The following GRPR variants were observed in gnomAD, a reference collection of about 807,000 sequenced individuals.
The protein encoded by GRPR is gastrin releasing peptide receptor.
In GRPR, 4 loss-of-function variants were observed where a neutral mutation model predicts 15.6. That is an observed-to-expected ratio of 0.26 (90% CI 0.13 to 0.59). The LOEUF is 0.59. GRPR is among the 20% of genes least tolerant of loss of function. The pLI is 0.90. For missense variants in GRPR, 270 were observed against 304.1 expected (o/e 0.89, Z 0.83); for synonymous variants, 128 against 126.8 (o/e 1.01, Z -0.06).
intron 1 of GRPR, among the ~76,000 whole-genome samples, chrX:16,144,987 G>A (rs1004583640): frequency 5.4e-5 from 6 of 111,573 alleles, no homozygotes; most frequent in Non-Finnish European, 1.1e-4. Flanking sequence ...AAAGAGAAGA[G>A]GAAAGCATGT....
chrX:16,152,198 A>G, intron 2 of GRPR, 58 bp from the exon 3 acceptor site: 1 of 984,869 alleles, frequency 1.0e-6, no homozygotes, highest in Non-Finnish European at 1.5e-6. Flanking sequence ...GTCTCTCTGC[A>G]TTCTTCTGAC....
At chrX:16,138,548 A>G (rs916401341) in intron 1 of GRPR, among the ~76,000 whole-genome samples, 9 of 112,370 alleles carry the variant, frequency 8.0e-5, no homozygotes, top group African/African-American at 2.9e-4. Flanking sequence ...GTCCTTCAAA[A>G]TAGCTAAATG....
intron 1 of GRPR, among the ~76,000 whole-genome samples, chrX:16,142,280 G>A (rs777384334): frequency 1.8e-5 from 2 of 111,976 alleles, no homozygotes; most frequent in Non-Finnish European, 3.8e-5. Flanking sequence ...TTATTTTACT[G>A]TTAGCTCATC....
intron 1 of GRPR, among the ~76,000 whole-genome samples, chrX:16,132,333 A>G (rs968011275): frequency 2.7e-5 from 3 of 112,234 alleles, no homozygotes; most frequent in African/African-American, 9.7e-5. Flanking sequence ...AAGAAAAACC[A>G]AATAAAATTA....
At chrX:16,134,219 C>T (rs1667690617) in intron 1 of GRPR, among the ~76,000 whole-genome samples, 1 of 111,574 alleles carries the variant, frequency 9.0e-6, no homozygotes, top group Non-Finnish European at 1.9e-5. Context: ...TCAGTCTGGC[C>T]ATTTTCAGTT....
chrX:16,125,030 A>T (rs2147028932), intron 1 of GRPR, among the ~76,000 whole-genome samples: 1 of 112,080 alleles, frequency 8.9e-6, no homozygotes, highest in East Asian at 2.8e-4. Flanking sequence ...TAATATCTTT[A>T]TTGACAATAC....
At chrX:16,149,627 G>T (rs1250735706) in intron 1 of GRPR, among the ~76,000 whole-genome samples, 1 of 75,228 alleles carries the variant, frequency 1.3e-5, no homozygotes, top group Non-Finnish European at 2.4e-5. Flanking sequence ...ATCTGAATAC[G>T]CAAAATGAAG....
At chrX:16,139,136 A>G (rs889636303) in intron 1 of GRPR, among the ~76,000 whole-genome samples, 15 of 111,937 alleles carry the variant, frequency 1.3e-4, no homozygotes, top group African/African-American at 4.9e-4. Flanking sequence ...TACTTTTCAT[A>G]TATCATAGGA....
intron 1 of GRPR, among the ~76,000 whole-genome samples, chrX:16,142,656 G>A (rs1354344382): frequency 9.0e-6 from 1 of 111,481 alleles, no homozygotes; most frequent in Non-Finnish European, 1.9e-5. Context: ...TACATACAAT[G>A]TAGGTGTATG....
chrX:16,133,121 T>C (rs1429435166), intron 1 of GRPR, among the ~76,000 whole-genome samples: 1 of 111,615 alleles, frequency 9.0e-6, no homozygotes, highest in Non-Finnish European at 1.9e-5. Flanking sequence ...CTTCTTGCTT[T>C]CTTTTAAATT....
intron 1 of GRPR, among the ~76,000 whole-genome samples, chrX:16,131,842 G>T (rs774215607): frequency 1.8e-5 from 2 of 112,187 alleles, no homozygotes; most frequent in South Asian, 3.7e-4. Context: ...GTTGTTTTTG[G>T]TTTGGGTGAT....
chrX:16,124,341 ACACT>A lies in GRPR; in HGVS notation c.392_395del (p.Leu131ArgfsTer23), dbSNP rs1368373912. ...TACCTCTGTTGGGGTGTCTGTCTTC[ACACT>A]CACGGCGCTCTCGGCAGACAGGTAA... is the stretch of plus-strand genomic sequence containing the variant. On this transcript the variant is annotated frameshift_variant, in exon 1 of 3. Transcript: ENST00000380289. LOFTEE classifies it high-confidence loss of function. 2 of 1,210,664 alleles carry A rather than the reference ACACT, an allele frequency of 1.7e-6. No homozygotes were observed. The highest frequency in any genetic ancestry group is 2.2e-6 in the Non-Finnish European group (2 of 894,642).
chrX:16,152,413 G>A lies in GRPR; in HGVS notation c.923G>A (p.Arg308His), dbSNP rs749538812. 7.4e-6 allele frequency: 9 copies of A among 1,209,829 alleles called. No individual in the cohort carries two copies. The South Asian group carries it at 8.8e-5, about 12-fold the overall frequency. The part of the protein sequence containing the change: ...MLHFVTSICA[R>H]LLAFTNSCVN... Reference sequence around the variant, plus strand: ...CACTTTGTCACCAGCATCTGTGCCCGCCTCCTGGCCTTCACCAACTCCTGC... The same window carrying A: ...CACTTTGTCACCAGCATCTGTGCCCACCTCCTGGCCTTCACCAACTCCTGC... The change falls in exon 3 of 3, where the codon CGC becomes CAC. Residue 308 changes from arginine (R) to histidine (H), a missense_variant. Arg to His is a conservative substitution (Grantham distance 29). Around this residue, in one of 3 missense-constraint regions of GRPR, gnomAD observed 133 missense variants for 123.4 expected, o/e 1.08. Coordinates refer to ENST00000380289, the MANE Select transcript of GRPR (RefSeq NM_005314.3).
intron 1 of GRPR, among the ~76,000 whole-genome samples, chrX:16,147,565 C>G (rs1922626589): frequency 8.9e-6 from 1 of 112,016 alleles, no homozygotes; most frequent in South Asian, 3.7e-4. Flanking sequence ...GCAGGTTCTT[C>G]TATCACCATA....
intron 1 of GRPR, among the ~76,000 whole-genome samples, chrX:16,147,006 T>G (rs1253219181): frequency 8.9e-6 from 1 of 111,884 alleles, no homozygotes; most frequent in Admixed American, 9.5e-5. Context: ...ATAAATGAGA[T>G]AATATAGATT....
intron 1 of GRPR, among the ~76,000 whole-genome samples, chrX:16,136,153 C>T (rs1922445211): frequency 8.9e-6 from 1 of 111,813 alleles, no homozygotes; most frequent in Non-Finnish European, 1.9e-5. Context: ...GGCTGTGGGA[C>T]TTCTCTGGGC....
rs1026100844 is a variant in GRPR, at chrX:16,124,176, C to T, written c.223C>T (p.Pro75Ser). The change falls in exon 1 of 3, where the codon CCA becomes TCA. Residue 75 changes from proline to serine, a missense_variant. By Grantham distance (74) the Pro-to-Ser change is moderately conservative. Around this residue, in one of 3 missense-constraint regions of GRPR, gnomAD observed 115 missense variants for 128.8 expected, o/e 0.89. Transcript: ENST00000380289. ...TACAGTCAAGTCCATGCGAAACGTT[C>T]CAAACCTGTTCATTTCCAGTCTGGC... ...FCTVKSMRNVPNLFISSLALG... is the reference protein window; with the variant it reads ...FCTVKSMRNVSNLFISSLALG... The T allele has an allele frequency of 2.5e-6, 3 of 1,208,664 alleles. No homozygotes were observed. In the African/African-American group the frequency reaches 5.3e-5, roughly 21 times the overall value.
At chrX:16,140,427 C>T (rs756935945) in intron 1 of GRPR, among the ~76,000 whole-genome samples, 3 of 111,470 alleles carry the variant, frequency 2.7e-5, no homozygotes, top group African/African-American at 3.3e-5. Context: ...ATAAACTGAC[C>T]GGATCAGGAG....
chrX:16,135,741 A>ATAACAT (rs774998913), intron 1 of GRPR, among the ~76,000 whole-genome samples: 10 of 112,577 alleles, frequency 8.9e-5, no homozygotes, highest in African/African-American at 2.9e-4. Flanking sequence ...AATTATGTAC[A>ATAACAT]AAACAAAATC....
Sources: gnomAD v4.1 joint callset for allele counts (sites outside exome capture counted in the v4.1 genomes callset) on GRCh38, gnomAD v4.1.1 for gene constraint, gnomAD v4.1.1 regional missense constraint, MANE v1.5 for transcripts, NCBI Gene and HGNC (gene_info 2026-07-23, HGNC 2026-07-21) for gene names.